EMC3: variants seen among roughly 807,000 people sequenced by gnomAD.
EMC3 encodes ER membrane protein complex subunit 3.
In EMC3, 13 loss-of-function variants were observed where a neutral mutation model predicts 36.6. The observed-to-expected ratio is 0.35, with a 90% CI of 0.23 to 0.56. The LOEUF (loss-of-function observed/expected upper bound fraction) is 0.56, where lower values mean the gene tolerates loss of function less well. Ranked by LOEUF, EMC3 falls within the 20% of genes least tolerant of loss-of-function variation. The probability of loss-of-function intolerance (pLI) is 0.84; values close to 1 mark genes in which losing one functional copy is unlikely to be tolerated. For synonymous variants in EMC3, 120 were observed against 111.9 expected (o/e 1.07, Z -0.46); for missense variants, 220 against 324.5 (o/e 0.68, Z 2.47).
chr3:9,985,781 C>T (rs1056758071), intron 1 of EMC3, among the ~76,000 whole-genome samples: 1 of 152,098 alleles, frequency 6.6e-6, no homozygotes, highest in African/African-American at 2.4e-5. Context: ...GTAATCCCAG[C>T]TACTCGGGGG....
At chr3:9,986,196 G>C (rs1020773354) in intron 1 of EMC3, among the ~76,000 whole-genome samples, 4 of 152,134 alleles carry the variant, frequency 2.6e-5, no homozygotes, top group African/African-American at 9.7e-5. Flanking sequence ...ATAGTTCATA[G>C]GTAAACCCAC....
chr3:9,989,593 G>T (rs1422491109), upstream of EMC3, among the ~76,000 whole-genome samples: 1 of 152,154 alleles, frequency 6.6e-6, no homozygotes, highest in Admixed American at 6.5e-5. Flanking sequence ...ATTTTGGGAT[G>T]ACTATCTTAA....
At chr3:9,979,119 C>T (rs184392956) in intron 1 of EMC3, among the ~76,000 whole-genome samples, 121 of 152,288 alleles carry the variant, frequency 7.9e-4, no homozygotes, top group Middle Eastern at 3.4e-3. Context: ...GCTCATTATG[C>T]TATACAGTTC....
chr3:10,006,138 T>C (rs1471806966), intron 1 of EMC3, among the ~76,000 whole-genome samples: 1 of 152,190 alleles, frequency 6.6e-6, no homozygotes, highest in East Asian at 1.9e-4. Flanking sequence ...CAGCAACTGG[T>C]GAAGTCTTAG....
chr3:9,986,776 C>A lies in EMC3; in HGVS notation c.-115G>T, dbSNP rs73120354. The A allele has an allele frequency of 0.011, 16,178 of 1,509,386 alleles. 1,460 individuals carry two copies. In the African/African-American group the frequency reaches 0.2, roughly 19 times the overall value. 93.5% of individuals were successfully genotyped at this position (1,509,386 alleles called of 1,614,324 possible). A position where few individuals can be genotyped will look rare whatever the true frequency, so the allele number is the denominator to read the frequency against. ...TCTCAAGCCCCTTTGCCCGTGTACC[C>A]CAGAACTCTCCTGCGACTGTGAGCC... On this transcript the variant is annotated 5_prime_UTR_variant, in exon 1 of 8. Transcript: ENST00000245046.
At chr3:10,007,709 A>G in intron 1 of EMC3, 1 of 1,271,192 alleles carries the variant, frequency 7.9e-7, no homozygotes, top group Admixed American at 2.2e-5. Context: ...CGTGTCTGGC[A>G]GTGAATCTGT....
chr3:9,994,219 C>T (rs1018952644), intron 1 of EMC3: 13 of 1,578,004 alleles, frequency 8.2e-6, no homozygotes, highest in East Asian at 2.3e-5. Context: ...TCCATTATGT[C>T]GCTGGCTCAG....
chr3:9,970,645 A>T lies in EMC3; in HGVS notation c.511T>A (p.Trp171Arg). 1 of 1,614,196 alleles carries T rather than the reference A, an allele frequency of 6.2e-7. No individual in the cohort carries two copies. The highest frequency in any genetic ancestry group is 8.5e-7 in the Non-Finnish European group (1 of 1,180,028). The stretch of plus-strand genomic sequence containing the variant: ...AGCCCAAATACATTGAGGAAGTACC[A>T]GGATGCAGAACTCACCCTGGCAAAG... ...LDASWVSSAS[W>R]YFLNVFGLRS... Residue 171 changes from tryptophan (W) to arginine (R), a missense_variant, in exon 6 of 8, where the codon TGG becomes AGG. Trp to Arg is a moderately radical substitution (Grantham distance 101, BLOSUM62 -3). Coordinates refer to ENST00000245046, the MANE Select transcript of EMC3 (RefSeq NM_001394674.1).
In EMC3 at chr3:9,986,533, C is replaced by G. The variant is rs373587570; in HGVS notation, c.129G>C (p.Lys43Asn). Reference sequence around the variant, plus strand: ...TGTCAGATACTTGTTCCTGGGTGAGCTTCTTGTCGCTCTGCAGCAGGATGG... The same window carrying G: ...TGTCAGATACTTGTTCCTGGGTGAGGTTCTTGTCGCTCTGCAGCAGGATGG... Reference protein sequence around the residue: ...YVSILLQSDKKLTQEQVSDSQ... With the variant: ...YVSILLQSDKNLTQEQVSDSQ... Residue 43 changes from lysine to asparagine, a missense_variant, in exon 1 of 8, where the codon AAG (lysine) becomes AAC (asparagine). Physicochemically the swap from Lys to Asn is moderately conservative, Grantham distance 94 (BLOSUM62 0). This residue lies in a region of EMC3 where 127 missense variants were observed against 174.6 expected (regional missense o/e 0.73). Transcript: ENST00000245046. 154 of 1,614,068 alleles carry G rather than the reference C, an allele frequency of 9.5e-5. No individual in the cohort carries two copies. The highest frequency in any genetic ancestry group is 4.9e-4 in the Middle Eastern group (3 of 6,076).
chr3:10,005,746 C>T (rs1263514743), intron 1 of EMC3, among the ~76,000 whole-genome samples: 1 of 152,092 alleles, frequency 6.6e-6, no homozygotes. Flanking sequence ...TCATGGTGGC[C>T]ATGGGATTTC....
chr3:10,008,543 C>G, intron 1 of EMC3: 1 of 1,250,354 alleles, frequency 8.0e-7, no homozygotes, highest in East Asian at 4.7e-5. Context: ...GGCGGGTTCC[C>G]AAAAGACAGC....
chr3:9,988,517 G>A, upstream of EMC3: 1 of 982,504 alleles, frequency 1.0e-6, no homozygotes, highest in Admixed American at 1.7e-5. Context: ...GAGGAAATGA[G>A]TGGCAATTAG....
chr3:9,977,083 A>G, intron 2 of EMC3, 33 bp from the exon 3 acceptor site: 1 of 1,492,270 alleles, frequency 6.7e-7, no homozygotes, highest in Non-Finnish European at 9.2e-7. Flanking sequence ...TTTTAAGTCT[A>G]AGAACTATGA....
At position 9,986,780 on chromosome 3, in the gene EMC3, A is replaced by G; in HGVS notation, c.-119T>C. On this transcript the variant is annotated 5_prime_UTR_variant, in exon 1 of 8. Coordinates refer to ENST00000245046, the MANE Select transcript of EMC3 (RefSeq NM_001394674.1). ...AAGCCCCTTTGCCCGTGTACCCCAG[A>G]ACTCTCCTGCGACTGTGAGCCGAGC... 3 of 1,504,830 alleles carry G rather than the reference A, an allele frequency of 2.0e-6. No individual in the cohort carries two copies. Among genetic ancestry groups the G allele is most frequent in the Non-Finnish European group, 2.7e-6 (3 of 1,127,766 alleles). The allele number at this position is 1,504,830 out of a possible 1,614,324, so 93.2% of individuals were successfully genotyped here.
chr3:9,981,575 A>G (rs2124914522), intron 1 of EMC3: 1 of 234,504 alleles, frequency 4.3e-6, no homozygotes, highest in East Asian at 1.6e-4. Flanking sequence ...TGTAATTTGC[A>G]ACTGAAGGAC....
intron 1 of EMC3, chr3:10,002,900 C>T (rs1356377929): frequency 1.1e-5 from 5 of 456,756 alleles, no homozygotes; most frequent in South Asian, 4.6e-5. Context: ...ATGGCCTTCC[C>T]CTCCACCCAG....
intron 1 of EMC3, among the ~76,000 whole-genome samples, chr3:9,985,262 A>G (rs1329196471): frequency 6.6e-6 from 1 of 152,266 alleles, no homozygotes; most frequent in Non-Finnish European, 1.5e-5. Context: ...CAGTAGAAAC[A>G]AAACAACATT....
At chr3:9,987,286 C>G, upstream of EMC3, 2 of 984,546 alleles carry the variant, frequency 2.0e-6, no homozygotes, top group Non-Finnish European at 2.4e-6. Flanking sequence ...GAGCAGTGGT[C>G]GTAGTCTCTC....
intron 3 of EMC3, among the ~76,000 whole-genome samples, chr3:9,974,744 G>A (rs1205894331): frequency 3.3e-5 from 5 of 151,880 alleles, no homozygotes. Context: ...ATTTTTAGTA[G>A]AGACGGGGTT....
Sources: allele counts gnomAD v4.1 joint callset (sites outside exome capture counted in the v4.1 genomes callset), GRCh38; gene constraint gnomAD v4.1.1; regional missense constraint gnomAD v4.1.1; transcripts MANE v1.5; gene names NCBI Gene and HGNC (gene_info 2026-07-23, HGNC 2026-07-21).